TBC1D32: variants seen among roughly 807,000 people sequenced by gnomAD.
TBC1D32 encodes TBC1 domain family member 32.
A neutral mutation model predicts 170.3 loss-of-function variants in TBC1D32; 151 were observed. The observed-to-expected ratio is 0.89, with a 90% CI of 0.78 to 1.01. The LOEUF is 1.01. TBC1D32 is among the 50% of genes least tolerant of loss of function. The probability of loss-of-function intolerance (pLI) is 0.00; values close to 1 mark genes in which losing one functional copy is unlikely to be tolerated. For synonymous variants in TBC1D32, 498 were observed against 488.0 expected, an observed-to-expected ratio of 1.02 and a Z score of -0.27; for missense variants, 1,464 against 1,457.1, an observed-to-expected ratio of 1.00 and a Z score of -0.08.
At chr6:121,131,461 TTTTAA>T (rs1442488115) in intron 25 of TBC1D32, among the ~76,000 whole-genome samples, 161 bp downstream of exon 25, 2 of 152,056 alleles carry the variant, frequency 1.3e-5, no homozygotes, top group Non-Finnish European at 2.9e-5. Flanking sequence ...GTGTCTCATA[TTTTAA>T]TTTGTGTTCT....
intron 24 of TBC1D32, among the ~76,000 whole-genome samples, chr6:121,151,954 C>T (rs1784274227): frequency 6.6e-6 from 1 of 152,120 alleles, no homozygotes; most frequent in Non-Finnish European, 1.5e-5. Flanking sequence ...ACTCTTTATC[C>T]AATTTGCCAG....
chr6:121,260,142 CTAAAG>C (rs1046323289), intron 15 of TBC1D32, among the ~76,000 whole-genome samples: 2 of 152,070 alleles, frequency 1.3e-5, no homozygotes, highest in Non-Finnish European at 2.9e-5. Flanking sequence ...AAAGGGCCCA[CTAAAG>C]TAAAGACCAC....
At chr6:121,152,069 A>ATTAGTTGGCG (rs1266581002) in intron 24 of TBC1D32, among the ~76,000 whole-genome samples, 1 of 152,166 alleles carries the variant, frequency 6.6e-6, no homozygotes, top group Non-Finnish European at 1.5e-5. Flanking sequence ...TATTTTGCCC[A>ATTAGTTGGCG]TTAGTTGGCG....
intron 9 of TBC1D32, among the ~76,000 whole-genome samples, chr6:121,301,207 T>C (rs1322487605): frequency 6.6e-6 from 1 of 152,142 alleles, no homozygotes; most frequent in Non-Finnish European, 1.5e-5. Context: ...CCCAAAGGAT[T>C]ATAAATCATT....
At chr6:121,286,419 G>A (rs995129080) in intron 12 of TBC1D32, among the ~76,000 whole-genome samples, 7 of 152,114 alleles carry the variant, frequency 4.6e-5, no homozygotes, top group South Asian at 2.1e-4. Context: ...GAAATGAAGC[G>A]AGAAGAGAAG....
intron 1 of TBC1D32, among the ~76,000 whole-genome samples, chr6:121,333,874 C>T (rs533309615): frequency 2.9e-4 from 44 of 152,070 alleles, no homozygotes; most frequent in African/African-American, 1.1e-3. Flanking sequence ...CGAGACCAAC[C>T]TAGCCCACAT....
intron 22 of TBC1D32, among the ~76,000 whole-genome samples, chr6:121,168,712 T>TAA (rs59283869): frequency 0.046 from 4,360 of 93,820 alleles, 167 homozygotes; most frequent in African/African-American, 0.079. Context: ...TAGAGTATAA[T>TAA]AAAAAAAAAA....
At chr6:121,094,383 T>G (rs1019975760) in intron 30 of TBC1D32, among the ~76,000 whole-genome samples, 4 of 151,976 alleles carry the variant, frequency 2.6e-5, no homozygotes, top group African/African-American at 9.7e-5. Context: ...GTCAGGCTGG[T>G]CTCAAACTCC....
chr6:121,134,654 T>C (rs927338154), intron 24 of TBC1D32, among the ~76,000 whole-genome samples: 2 of 152,170 alleles, frequency 1.3e-5, no homozygotes, highest in Non-Finnish European at 2.9e-5. Flanking sequence ...GTATATGCTT[T>C]ACAATTTGCA....
intron 26 of TBC1D32, among the ~76,000 whole-genome samples, chr6:121,121,251 T>C (rs1780232589): frequency 6.6e-6 from 1 of 152,016 alleles, no homozygotes; most frequent in African/African-American, 2.4e-5. Flanking sequence ...GGCATTATCA[T>C]GTGGATGTCA....
intron 22 of TBC1D32, among the ~76,000 whole-genome samples, chr6:121,180,837 T>C (rs1273765): frequency 0.83 from 125,529 of 152,082 alleles, 54,116 homozygotes; most frequent in Non-Finnish European, 0.94. Flanking sequence ...ATCCATACAA[T>C]AAAAATTTAA....
chr6:121,124,692 T>C (rs1212214805), intron 26 of TBC1D32, among the ~76,000 whole-genome samples: 1 of 152,114 alleles, frequency 6.6e-6, no homozygotes, highest in Non-Finnish European at 1.5e-5. Context: ...TTGTTATATA[T>C]CCTATAAGCT....
chr6:121,236,029 G>A (rs962692111), intron 20 of TBC1D32, among the ~76,000 whole-genome samples: 33 of 151,772 alleles, frequency 2.2e-4, no homozygotes, highest in Admixed American at 5.9e-4. Flanking sequence ...TGCATTTAGA[G>A]CTACTATTTT....
intron 24 of TBC1D32, among the ~76,000 whole-genome samples, chr6:121,154,732 A>G (rs536892637): frequency 6.6e-6 from 1 of 152,358 alleles, no homozygotes; most frequent in African/African-American, 2.4e-5. Flanking sequence ...AGCAAAAGTA[A>G]TTACCAACAG....
chr6:121,265,019 T>G (rs1255462326), intron 15 of TBC1D32, among the ~76,000 whole-genome samples: 1 of 152,142 alleles, frequency 6.6e-6, no homozygotes, highest in Non-Finnish European at 1.5e-5. Flanking sequence ...AAGGATGCCC[T>G]CTCTCACCAC....
intron 30 of TBC1D32, among the ~76,000 whole-genome samples, chr6:121,096,777 C>G (rs571429488): frequency 6.6e-6 from 1 of 152,096 alleles, no homozygotes; most frequent in Non-Finnish European, 1.5e-5. Flanking sequence ...GGAGGCATCA[C>G]GCTACCTGAC....
chr6:121,331,837 T>C (rs1318982853), intron 1 of TBC1D32, among the ~76,000 whole-genome samples: 5 of 152,040 alleles, frequency 3.3e-5, no homozygotes, highest in African/African-American at 4.8e-5. Flanking sequence ...TATAAAAGAG[T>C]TCCCTCCTCC....
Position 121,108,660 on chromosome 6 carries a change from TA to T in TBC1D32, c.3325-2498del, listed in dbSNP as rs111320337. On this transcript the variant is annotated intron_variant, in intron 29 of 31. Transcript: ENST00000398212. ...TGATTAATAATAAAAGATTTATGCT[TA>T]AAAAAAAACATAACAGTCTTAGTTT... is the stretch of plus-strand genomic sequence containing the variant. Among the ~76,000 whole-genome samples, 355 of 151,322 alleles carry T rather than the reference TA, an allele frequency of 2.3e-3. 1 individual carries two copies. Among genetic ancestry groups the T allele is most frequent in the African/African-American group, 6.3e-3 (260 of 41,358 alleles).
chr6:121,097,496 C>A (rs1777559783), intron 30 of TBC1D32, among the ~76,000 whole-genome samples: 1 of 152,098 alleles, frequency 6.6e-6, no homozygotes, highest in Admixed American at 6.6e-5. Context: ...CAATGAGATA[C>A]CATCTCATGC....
Sources: allele counts gnomAD v4.1 joint callset (sites outside exome capture counted in the v4.1 genomes callset), GRCh38; gene constraint gnomAD v4.1.1; transcripts MANE v1.5; gene names NCBI Gene and HGNC (gene_info 2026-07-23, HGNC 2026-07-21).